Variants in HIRA observed in about 807,000 individuals in gnomAD.
HIRA encodes the protein protein HIRA.
Under a neutral mutation model 126.6 loss-of-function variants are expected in HIRA, and 13 were observed. The observed-to-expected ratio is 0.10, with a 90% CI of 0.07 to 0.16. The LOEUF (loss-of-function observed/expected upper bound fraction) is 0.16, where lower values mean the gene tolerates loss of function less well. Ranked by LOEUF, HIRA falls within the 10% of genes least tolerant of loss-of-function variation. The pLI is 1.00. For missense variants in HIRA, 834 were observed against 1,314.4 expected (o/e 0.63, Z 5.65); for synonymous variants, 511 against 520.0 (o/e 0.98, Z 0.24).
At chr22:19,423,624 T>C (rs2146258895) in intron 1 of HIRA, among the ~76,000 whole-genome samples, 1 of 152,260 alleles carries the variant, frequency 6.6e-6, no homozygotes, top group East Asian at 1.9e-4. Context: ...TGCTCCAACG[T>C]AGGTCTATCC....
At chr22:19,405,756 C>T in intron 5 of HIRA, 30 bp downstream of exon 5, 1 of 1,354,690 alleles carries the variant, frequency 7.4e-7, no homozygotes, top group South Asian at 1.9e-5. Context: ...TGTCAGGGGC[C>T]CACCCACCCC....
In HIRA at chr22:19,412,546, C is replaced by T. The variant is rs144043223; in HGVS notation, c.38-1768G>A. Among the ~76,000 whole-genome samples the T allele has an allele frequency of 1.3e-4, 20 of 152,330 alleles. No homozygotes were observed. The East Asian group carries it at 3.9e-3, about 29-fold the overall frequency. On this transcript the variant is annotated intron_variant, in intron 1 of 24. Coordinates refer to ENST00000263208, the MANE Select transcript of HIRA (RefSeq NM_003325.4). The stretch of plus-strand genomic sequence containing the variant: ...TAACAAAAAATGTTCTAGCTGACAG[C>T]TTTGGTCTTGACGGGCAATCAGGGC...
intron 24 of HIRA, among the ~76,000 whole-genome samples, chr22:19,341,662 C>A (rs1013948799): frequency 5.9e-5 from 9 of 152,074 alleles, no homozygotes; most frequent in Non-Finnish European, 1.5e-5. Context: ...TTACAGCCAA[C>A]AGATCTTCAA....
At position 19,431,426 on chromosome 22, in the gene HIRA, C is replaced by T. The variant is rs1172215951; in HGVS notation, c.37+14G>A. ...CTCCGGGCTCGGCCTCCCGCGACCC[C>T]TGCGCGCACTCACCATTGTGGTTGA... On this transcript the variant is annotated intron_variant, in intron 1 of 24. Coordinates refer to ENST00000263208, the MANE Select transcript of HIRA (RefSeq NM_003325.4). 1.2e-6 allele frequency: 2 copies of T among 1,608,684 alleles called. No individual in the cohort carries two copies. The highest frequency in any genetic ancestry group is 1.1e-5 in the South Asian group (1 of 91,058).
At chr22:19,382,876 G>A (rs1362409127) in intron 13 of HIRA, among the ~76,000 whole-genome samples, 1 of 151,108 alleles carries the variant, frequency 6.6e-6, no homozygotes, top group African/African-American at 2.4e-5. Context: ...TGGTGAATGA[G>A]TCTCTTCCCC....
intron 1 of HIRA, among the ~76,000 whole-genome samples, chr22:19,418,987 G>A (rs1476044695): frequency 6.6e-6 from 1 of 152,020 alleles, no homozygotes; most frequent in African/African-American, 2.4e-5. Flanking sequence ...ATATGTGTGT[G>A]TACTAATATA....
intron 24 of HIRA, among the ~76,000 whole-genome samples, chr22:19,339,622 C>A (rs544733849): frequency 6.9e-6 from 1 of 144,494 alleles, no homozygotes; most frequent in Non-Finnish European, 1.5e-5. Context: ...GGCGACAGAG[C>A]GAGACTCCGT....
intron 3 of HIRA, among the ~76,000 whole-genome samples, chr22:19,407,633 T>C (rs2089318844): frequency 6.6e-6 from 1 of 152,226 alleles, no homozygotes; most frequent in Admixed American, 6.5e-5. Flanking sequence ...TAGAGATTAT[T>C]CTCAAAAAAA....
chr22:19,334,128 G>T (rs554200083), intron 24 of HIRA, among the ~76,000 whole-genome samples: 1 of 151,438 alleles, frequency 6.6e-6, no homozygotes, highest in Non-Finnish European at 1.5e-5. Context: ...GCGCCGGCCA[G>T]CACGCCTGGC....
chr22:19,368,507 C>T (rs2088935159), intron 15 of HIRA, among the ~76,000 whole-genome samples: 1 of 151,942 alleles, frequency 6.6e-6, no homozygotes, highest in South Asian at 2.1e-4. Context: ...AGATCATGTA[C>T]ATTTTCATAT....
At chr22:19,422,638 G>C (rs1358707233) in intron 1 of HIRA, among the ~76,000 whole-genome samples, 1 of 152,100 alleles carries the variant, frequency 6.6e-6, no homozygotes, top group Non-Finnish European at 1.5e-5. Flanking sequence ...AAACCCTCCA[G>C]GCAAGTTCCA....
rs140862325 is a variant in HIRA at position 19,429,358 on chromosome 22, G to T, written c.37+2082C>A. On this transcript the variant is annotated intron_variant, in intron 1 of 24. Transcript: ENST00000263208. ...TCACCATGTTGGCCAGGATGGTCTC[G>T]ATCTCTTGACCTCGTGATCCACCTG... 3.3e-3 allele frequency among the ~76,000 whole-genome samples: 509 copies of T among 152,054 alleles called. 20 individuals carry two copies. In the East Asian group the frequency reaches 0.068, roughly 20 times the overall value.
At chr22:19,334,037 T>C (rs897435139) in intron 24 of HIRA, among the ~76,000 whole-genome samples, 36 of 151,630 alleles carry the variant, frequency 2.4e-4, no homozygotes, top group South Asian at 6.3e-4. Context: ...TGCAGTGGTG[T>C]GATCTCGGCT....
rs182289284 is a variant in HIRA, at chr22:19,404,753, C to G, written c.397+1033G>C. On this transcript the variant is annotated intron_variant, in intron 5 of 24. Transcript: ENST00000263208. ...GGGCAACTCCATTCTGAACTGGTAT[C>G]CGTCCCCATAAGCCTGTTGTCCTTA... Among the ~76,000 whole-genome samples, 3 of 152,334 alleles carry G rather than the reference C, an allele frequency of 2.0e-5. No homozygotes were observed. In the East Asian group the frequency reaches 5.8e-4, roughly 29 times the overall value.
intron 11 of HIRA, among the ~76,000 whole-genome samples, 165 bp from the exon 12 acceptor site, chr22:19,385,901 G>A (rs539034844): frequency 2.6e-5 from 4 of 152,278 alleles, no homozygotes; most frequent in African/African-American, 7.2e-5. Flanking sequence ...TCCCTCATTC[G>A]ACAGCTCTGT....
At chr22:19,391,151 T>G (rs981683225) in intron 9 of HIRA, among the ~76,000 whole-genome samples, 2 of 152,192 alleles carry the variant, frequency 1.3e-5, no homozygotes, top group Admixed American at 1.3e-4. Context: ...AGTGGAATGC[T>G]ACACCGAAAT....
intron 1 of HIRA, among the ~76,000 whole-genome samples, chr22:19,420,003 C>T (rs570858695): frequency 6.6e-6 from 1 of 152,064 alleles, no homozygotes; most frequent in African/African-American, 2.4e-5. Context: ...AGATTGAAAA[C>T]ATAGCACAGG....
At chr22:19,392,659 G>C (rs983431458) in intron 8 of HIRA, among the ~76,000 whole-genome samples, 1 of 152,186 alleles carries the variant, frequency 6.6e-6, no homozygotes, top group African/African-American at 2.4e-5. Flanking sequence ...TGGGCAGGAG[G>C]GGTGTGAATC....
At chr22:19,404,098 C>T (rs2089290261) in intron 5 of HIRA, among the ~76,000 whole-genome samples, 1 of 151,928 alleles carries the variant, frequency 6.6e-6, no homozygotes, top group South Asian at 2.1e-4. Context: ...TTTTTTCTTC[C>T]CAACCCCCAA....
Sources: allele counts gnomAD v4.1 joint callset (sites outside exome capture counted in the v4.1 genomes callset), GRCh38; gene constraint gnomAD v4.1.1; transcripts MANE v1.5; gene names NCBI Gene and HGNC (gene_info 2026-07-23, HGNC 2026-07-21).